Variants in CCR3 observed in about 807,000 individuals in gnomAD.
CCR3 encodes the protein C-C motif chemokine receptor 3, also known as C-C chemokine receptor type 3.
For synonymous variants in CCR3, 203 were observed against 179.2 expected (o/e 1.13, Z -1.06); for missense variants, 419 against 437.5 (o/e 0.96, Z 0.38).
intron 1 of CCR3, among the ~76,000 whole-genome samples, chr3:46,243,002 T>TACACATATATATATATATATATAC (rs71095087): frequency 8.1e-6 from 1 of 123,726 alleles, no homozygotes; most frequent in African/African-American, 3.3e-5. Flanking sequence ...TATATATATA[T>TACACATATATATATATATATATAC]ACGCACACAC....
intron 1 of CCR3, among the ~76,000 whole-genome samples, chr3:46,256,873 C>T (rs950138445): frequency 8.6e-5 from 13 of 151,960 alleles, no homozygotes; most frequent in Admixed American, 2.0e-4. Context: ...GCCAAGACCT[C>T]GAGAAATTGT....
intron 2 of CCR3, among the ~76,000 whole-genome samples, chr3:46,232,533 T>A (rs1277019333): frequency 2.6e-5 from 4 of 152,212 alleles, no homozygotes; most frequent in African/African-American, 9.6e-5. Flanking sequence ...CCTGCCTCAG[T>A]ATCCCTGTGT....
At chr3:46,234,667 T>C (rs1343382793) in intron 2 of CCR3, among the ~76,000 whole-genome samples, 1 of 152,206 alleles carries the variant, frequency 6.6e-6, no homozygotes, top group Non-Finnish European at 1.5e-5. Context: ...GAACACACAG[T>C]AGAGTCACTC....
intron 2 of CCR3, among the ~76,000 whole-genome samples, chr3:46,211,197 C>CTT (rs757345795): frequency 3.9e-5 from 5 of 128,594 alleles, no homozygotes; most frequent in Non-Finnish European, 8.2e-5. Context: ...TGAGAATTTA[C>CTT]TTTTTTTTTT....
At chr3:46,246,971 T>C (rs1700206612) in intron 1 of CCR3, among the ~76,000 whole-genome samples, 1 of 151,942 alleles carries the variant, frequency 6.6e-6, no homozygotes, top group Non-Finnish European at 1.5e-5. Flanking sequence ...TGATTGGTGA[T>C]GGCCTGGATA....
At chr3:46,221,943 T>C (rs1699841926) in intron 2 of CCR3, among the ~76,000 whole-genome samples, 1 of 151,994 alleles carries the variant, frequency 6.6e-6, no homozygotes, top group African/African-American at 2.4e-5. Context: ...TGCCCCCTAG[T>C]CCCTCCCCAG....
chr3:46,230,891 T>C (rs141681533), intron 2 of CCR3, among the ~76,000 whole-genome samples: 4 of 152,284 alleles, frequency 2.6e-5, no homozygotes, highest in Non-Finnish European at 4.4e-5. Flanking sequence ...TTTGTGCTGC[T>C]CAAAACAGAT....
rs199944063 is a variant in CCR3, at chr3:46,266,026, G to A, written c.868G>A (p.Ala290Thr). The change falls in exon 2 of 2, where the codon GCC becomes ACC. Residue 290 changes from alanine to threonine, a missense_variant. Physicochemically the swap from Ala to Thr is moderately conservative, Grantham distance 58 (BLOSUM62 0). Coordinates refer to ENST00000395940, the MANE Select transcript of CCR3 (RefSeq NM_178329.3). ...GGTCATGCTGGTGACAGAGGTGATCGCCTACTCCCACTGCTGCATGAACCC... is the reference window on the plus strand; with the variant it reads ...GGTCATGCTGGTGACAGAGGTGATCACCTACTCCCACTGCTGCATGAACCC... ...DLVMLVTEVI[A>T]YSHCCMNPVI... The A allele has an allele frequency of 1.4e-5, 22 of 1,613,808 alleles. No individual in the cohort carries two copies. Among genetic ancestry groups the A allele is most frequent in the East Asian group, 8.9e-5 (4 of 44,878 alleles).
At chr3:46,262,138 C>CCT (rs1700537947) in intron 1 of CCR3, among the ~76,000 whole-genome samples, 1 of 152,186 alleles carries the variant, frequency 6.6e-6, no homozygotes, top group African/African-American at 2.4e-5. Context: ...AAAGAAGAAA[C>CCT]TGAAATTATA....
Position 46,246,568 on chromosome 3 carries a change from G to A in CCR3, c.-12+4030G>A, listed in dbSNP as rs151142158. Among the ~76,000 whole-genome samples, 877 of 151,840 alleles carry A rather than the reference G, an allele frequency of 5.8e-3. 10 individuals carry two copies. Among genetic ancestry groups the A allele is most frequent in the African/African-American group, 0.015 (617 of 41,274 alleles). ...AATGTCATCACTTAAGGCAAGGACCGGCCATTTTCACTGCTTTTGTGGTGG... is the reference window on the plus strand; with the variant it reads ...AATGTCATCACTTAAGGCAAGGACCAGCCATTTTCACTGCTTTTGTGGTGG... On this transcript the variant is annotated intron_variant, in intron 1 of 1. Transcript: ENST00000395940.
intron 1 of CCR3, among the ~76,000 whole-genome samples, chr3:46,256,240 T>C (rs1285993401): frequency 6.6e-6 from 1 of 152,180 alleles, no homozygotes; most frequent in African/African-American, 2.4e-5. Context: ...TGACATAAAC[T>C]TTATATTTTG....
chr3:46,242,980 C>CAT (rs758465669), intron 1 of CCR3, among the ~76,000 whole-genome samples: 22,935 of 98,572 alleles, frequency 0.23, 2,457 homozygotes, highest in Admixed American at 0.32. Context: ...TATATATATA[C>CAT]ACATATATAT....
intron 1 of CCR3, among the ~76,000 whole-genome samples, chr3:46,248,277 T>C (rs942358082): frequency 2.0e-5 from 3 of 152,130 alleles, no homozygotes; most frequent in Non-Finnish European, 2.9e-5. Context: ...AGAAAGTATA[T>C]GCATCAGGTA....
chr3:46,265,416 C>T lies in CCR3; in HGVS notation c.258C>T (p.Thr86=). 2 of 1,614,180 alleles carry T rather than the reference C, an allele frequency of 1.2e-6. No individual in the cohort carries two copies. Among genetic ancestry groups the T allele is most frequent in the East Asian group, 2.2e-5 (1 of 44,886 alleles). ...LAISDLLFLV[T]LPFWIHYVRG... ...TTTCGGACCTGCTCTTCCTCGTCACCCTTCCATTCTGGATCCACTATGTCA... is the reference window on the plus strand; with the variant it reads ...TTTCGGACCTGCTCTTCCTCGTCACTCTTCCATTCTGGATCCACTATGTCA... The change falls in exon 2 of 2, where the codon ACC becomes ACT. Residue 86 remains threonine, a synonymous_variant. Coordinates refer to ENST00000395940, the MANE Select transcript of CCR3 (RefSeq NM_178329.3).
intron 1 of CCR3, among the ~76,000 whole-genome samples, chr3:46,261,425 T>C (rs1700523436): frequency 6.6e-6 from 1 of 152,242 alleles, no homozygotes; most frequent in South Asian, 2.1e-4. Context: ...ACAAAGGTGA[T>C]ATTTCAAGCC....
At chr3:46,239,154 T>C (rs1700052723), upstream of CCR3, among the ~76,000 whole-genome samples, 1 of 152,210 alleles carries the variant, frequency 6.6e-6, no homozygotes, top group African/African-American at 2.4e-5. Flanking sequence ...GAATCTGCCT[T>C]ATTGCAAAAT....
At chr3:46,255,122 G>C (rs945999049) in intron 1 of CCR3, among the ~76,000 whole-genome samples, 7 of 151,960 alleles carry the variant, frequency 4.6e-5, no homozygotes, top group Non-Finnish European at 1.5e-5. Context: ...TTGTGGTTTT[G>C]ATTTGCATTT....
At chr3:46,221,619 C>T (rs1356327193) in intron 2 of CCR3, among the ~76,000 whole-genome samples, 1 of 152,202 alleles carries the variant, frequency 6.6e-6, no homozygotes, top group African/African-American at 2.4e-5. Flanking sequence ...ATTTGCACTT[C>T]CCTTTTCTAG....
chr3:46,225,418 C>G (rs540475055), intron 2 of CCR3, among the ~76,000 whole-genome samples: 2 of 152,300 alleles, frequency 1.3e-5, no homozygotes, highest in African/African-American at 4.8e-5. Context: ...GTAATCCCAG[C>G]TACTCGGGAT....
Sources: allele counts gnomAD v4.1 joint callset (sites outside exome capture counted in the v4.1 genomes callset), GRCh38; gene constraint gnomAD v4.1.1; transcripts MANE v1.5; gene names NCBI Gene and HGNC (gene_info 2026-07-23, HGNC 2026-07-21).